The following GALNT1 variants were observed in gnomAD, a reference collection of about 807,000 sequenced individuals.
GALNT1 encodes polypeptide N-acetylgalactosaminyltransferase 1.
In GALNT1, 17 loss-of-function variants were observed where a neutral mutation model predicts 65.7. That is an observed-to-expected ratio of 0.26 (90% CI 0.18 to 0.39). The LOEUF (loss-of-function observed/expected upper bound fraction) is 0.39, where lower values mean the gene tolerates loss of function less well. Among genes scored for constraint, GALNT1 ranks in the 10% least tolerant of loss-of-function variants. GALNT1 has a pLI of 1.00. For missense variants in GALNT1, 460 were observed against 672.8 expected (o/e 0.68, Z 3.50); for synonymous variants, 210 against 219.7 (o/e 0.96, Z 0.39).
chr18:35,625,889 A>G (rs1351230162), intron 1 of GALNT1, among the ~76,000 whole-genome samples: 1 of 152,140 alleles, frequency 6.6e-6, no homozygotes, highest in African/African-American at 2.4e-5. Flanking sequence ...ATGAGAAGAA[A>G]TTAGTAACTT....
chr18:35,646,854 A>G (rs1394768884), intron 1 of GALNT1, among the ~76,000 whole-genome samples: 1 of 152,178 alleles, frequency 6.6e-6, no homozygotes, highest in African/African-American at 2.4e-5. Context: ...CCATGGTAGC[A>G]TCTCTCATTG....
At position 35,662,410 on chromosome 18, in the gene GALNT1, C is replaced by T. The variant is rs2047489918; in HGVS notation, c.140-1218C>T. Among the ~76,000 whole-genome samples, 3 of 152,148 alleles carry T rather than the reference C, an allele frequency of 2.0e-5. No individual in the cohort carries two copies. In the South Asian group the frequency reaches 6.2e-4, roughly 31 times the overall value. Reference sequence around the variant, plus strand: ...TGCACACTTTTTTCATCATCATTTTCTGAAATCTATTTTTAAATTCTGGAC... The same window carrying T: ...TGCACACTTTTTTCATCATCATTTTTTGAAATCTATTTTTAAATTCTGGAC... On this transcript the variant is annotated intron_variant, in intron 2 of 11. Coordinates refer to ENST00000269195, the MANE Select transcript of GALNT1 (RefSeq NM_020474.4).
At chr18:35,585,314 C>T (rs2046367604) in intron 1 of GALNT1, among the ~76,000 whole-genome samples, 1 of 152,146 alleles carries the variant, frequency 6.6e-6, no homozygotes, top group South Asian at 2.1e-4. Context: ...CAAGATGTCC[C>T]CTTCTCCACC....
At chr18:35,685,280 T>C (rs760503096) in intron 5 of GALNT1, among the ~76,000 whole-genome samples, 4 of 152,164 alleles carry the variant, frequency 2.6e-5, no homozygotes, top group Non-Finnish European at 5.9e-5. Flanking sequence ...CTGCTTGGTT[T>C]AGCGTAATAT....
rs114193988 is a variant in GALNT1, at chr18:35,613,365, A to G, written c.-104+31503A>G. On this transcript the variant is annotated intron_variant, in intron 1 of 11. Transcript: ENST00000269195. ...GCAGCGTGGCAGAGTAGAGGTTAAA[A>G]AAAAGGTCCCACATTATGAAATGTT... Among the ~76,000 whole-genome samples the G allele has an allele frequency of 5.1e-3, 772 of 152,296 alleles. 7 individuals are homozygous for G. The highest frequency in any genetic ancestry group is 0.018 in the African/African-American group (742 of 41,570).
At chr18:35,634,641 G>A (rs1035456605) in intron 1 of GALNT1, among the ~76,000 whole-genome samples, 6 of 152,142 alleles carry the variant, frequency 3.9e-5, no homozygotes, top group Admixed American at 3.9e-4. Flanking sequence ...GTCAGTGCCC[G>A]AGATTTTTAT....
chr18:35,607,642 C>T (rs2046667687), intron 1 of GALNT1, among the ~76,000 whole-genome samples: 1 of 152,166 alleles, frequency 6.6e-6, no homozygotes, highest in Non-Finnish European at 1.5e-5. Context: ...GTTGTTCTAA[C>T]TTTCGTATTT....
intron 1 of GALNT1, among the ~76,000 whole-genome samples, chr18:35,651,945 T>A (rs561056165): frequency 1.3e-5 from 2 of 152,306 alleles, no homozygotes; most frequent in Non-Finnish European, 2.9e-5. Flanking sequence ...TTTTACATCT[T>A]ATATCTTTGA....
chr18:35,607,234 G>C (rs2046661418), intron 1 of GALNT1, among the ~76,000 whole-genome samples: 1 of 152,156 alleles, frequency 6.6e-6, no homozygotes, highest in Admixed American at 6.5e-5. Flanking sequence ...CAGAGGAAGT[G>C]AGGGTGGAGA....
At chr18:35,702,377 C>G (rs1177053619) in intron 9 of GALNT1, among the ~76,000 whole-genome samples, 1 of 152,142 alleles carries the variant, frequency 6.6e-6, no homozygotes, top group Non-Finnish European at 1.5e-5. Flanking sequence ...CTAAAATATT[C>G]CTCCTAATTC....
At chr18:35,584,499 A>G (rs1322582819) in intron 1 of GALNT1, among the ~76,000 whole-genome samples, 4 of 152,210 alleles carry the variant, frequency 2.6e-5, no homozygotes, top group Admixed American at 6.5e-5. Context: ...GTGACAGATA[A>G]TGGAGGAAGA....
chr18:35,596,635 C>T (rs569510319), intron 1 of GALNT1: 1 of 152,244 alleles, frequency 6.6e-6, no homozygotes, highest in South Asian at 2.1e-4. Flanking sequence ...TATAAAAATA[C>T]ACCCTAGAAT....
At chr18:35,674,617 A>G (rs1333965339) in intron 3 of GALNT1, among the ~76,000 whole-genome samples, 2 of 152,200 alleles carry the variant, frequency 1.3e-5, no homozygotes, top group Non-Finnish European at 2.9e-5. Context: ...ATATATTTCA[A>G]TAGAAAGTTA....
chr18:35,610,851 T>C (rs2046707598), intron 1 of GALNT1, among the ~76,000 whole-genome samples: 1 of 152,220 alleles, frequency 6.6e-6, no homozygotes, highest in Non-Finnish European at 1.5e-5. Context: ...ATCCCATTAG[T>C]GTCTGGCTTC....
At chr18:35,662,014 C>A (rs1357496966) in intron 2 of GALNT1, among the ~76,000 whole-genome samples, 1 of 152,142 alleles carries the variant, frequency 6.6e-6, no homozygotes, top group African/African-American at 2.4e-5. Flanking sequence ...CTGCCGGTTC[C>A]TTTTGACCAC....
chr18:35,642,196 T>G (rs911980781), intron 1 of GALNT1, among the ~76,000 whole-genome samples: 3 of 152,210 alleles, frequency 2.0e-5, no homozygotes, highest in African/African-American at 7.2e-5. Flanking sequence ...GCAGTATTGC[T>G]TGTAATAACG....
chr18:35,637,974 A>G (rs2047113594), intron 1 of GALNT1, among the ~76,000 whole-genome samples: 1 of 152,220 alleles, frequency 6.6e-6, no homozygotes, highest in Admixed American at 6.5e-5. Flanking sequence ...TCTGTTTACA[A>G]CATGGTTTAT....
intron 2 of GALNT1, among the ~76,000 whole-genome samples, chr18:35,655,747 T>C (rs2047377115): frequency 6.6e-6 from 1 of 152,116 alleles, no homozygotes; most frequent in African/African-American, 2.4e-5. Context: ...AAATTTACAA[T>C]AGAAAAAAAA....
intron 3 of GALNT1, among the ~76,000 whole-genome samples, chr18:35,666,621 T>C (rs1379254645): frequency 1.3e-5 from 2 of 152,222 alleles, no homozygotes; most frequent in Non-Finnish European, 2.9e-5. Context: ...TTTTTGTCTT[T>C]ATGTGGTTTT....
Sources: allele counts gnomAD v4.1 joint callset (sites outside exome capture counted in the v4.1 genomes callset), GRCh38; gene constraint gnomAD v4.1.1; transcripts MANE v1.5; gene names NCBI Gene and HGNC (gene_info 2026-07-23, HGNC 2026-07-21).